APBA2: variants seen among roughly 807,000 people sequenced by gnomAD.
The protein encoded by APBA2 is amyloid beta precursor protein binding family A member 2, also known as amyloid-beta A4 precursor protein-binding family A member 2.
A neutral mutation model predicts 75.0 loss-of-function variants in APBA2; 30 were observed. That is an observed-to-expected ratio of 0.40 (90% CI 0.30 to 0.54). APBA2 has a LOEUF of 0.54. Among genes scored for constraint, APBA2 ranks in the 20% least tolerant of loss-of-function variants. The probability of loss-of-function intolerance (pLI) is 0.49; values close to 1 mark genes in which losing one functional copy is unlikely to be tolerated. For missense variants in APBA2, 801 were observed against 1,016.1 expected, an observed-to-expected ratio of 0.79 and a Z score of 2.88; for synonymous variants, 444 against 409.6, an observed-to-expected ratio of 1.08 and a Z score of -1.01.
At chr15:28,908,257 C>T (rs2033236479) in intron 1 of APBA2, among the ~76,000 whole-genome samples, 2 of 152,012 alleles carry the variant, frequency 1.3e-5, no homozygotes, top group African/African-American at 2.4e-5. Flanking sequence ...GCCCCTGTCA[C>T]TCCCTGATGG....
intron 2 of APBA2, among the ~76,000 whole-genome samples, chr15:28,941,251 C>T (rs1483583698): frequency 2.0e-5 from 3 of 152,138 alleles, no homozygotes; most frequent in Non-Finnish European, 4.4e-5. Context: ...CATCTGAATT[C>T]ACAAGCTGGG....
At chr15:28,946,640 G>A (rs1157839426) in intron 2 of APBA2, among the ~76,000 whole-genome samples, 11 of 151,992 alleles carry the variant, frequency 7.2e-5, no homozygotes, top group African/African-American at 2.4e-4. Flanking sequence ...GTGCAGTGGC[G>A]CCATCTCAGC....
At chr15:29,091,341 G>A (rs1010140492) in intron 6 of APBA2, among the ~76,000 whole-genome samples, 20 of 152,126 alleles carry the variant, frequency 1.3e-4, no homozygotes, top group Admixed American at 1.2e-3. Context: ...GGGGCACGCA[G>A]ACCCACTACT....
intron 2 of APBA2, among the ~76,000 whole-genome samples, chr15:28,964,285 A>G (rs558767145): frequency 3.7e-4 from 56 of 152,290 alleles, no homozygotes; most frequent in African/African-American, 1.3e-3. Context: ...CAATGTATGG[A>G]TGATTCAGTT....
Position 29,101,593 on chromosome 15 carries a change from C to T in APBA2, c.1339-6C>T, listed in dbSNP as rs373242548. ...CCCTGACGTGGCACTGTCTCCCTCC[C>T]GACAGGAAACCATGATGGACCACGC... On this transcript the variant is annotated splice_polypyrimidine_tract_variant and splice_region_variant and intron_variant, in intron 9 of 14. Transcript: ENST00000683413. 8.8e-5 allele frequency: 142 copies of T among 1,612,210 alleles called. No individual in the cohort carries two copies. The highest frequency in any genetic ancestry group is 1.1e-4 in the Non-Finnish European group (134 of 1,179,460).
rs561061628 is a variant in APBA2 at position 28,901,814 on chromosome 15, C to T, written c.-205+15536C>T. Among the ~76,000 whole-genome samples the T allele has an allele frequency of 2.6e-4, 39 of 152,092 alleles. 1 individual carries two copies. Among genetic ancestry groups the T allele is most frequent in the African/African-American group, 9.2e-4 (38 of 41,482 alleles). On this transcript the variant is annotated intron_variant, in intron 1 of 14. Transcript: ENST00000683413. Reference sequence around the variant, plus strand: ...TAGGGACGTCTCAGGAGTGAGCATTCCAGTGTTTGCAGTGCCGAGGGCATC... The same window carrying T: ...TAGGGACGTCTCAGGAGTGAGCATTTCAGTGTTTGCAGTGCCGAGGGCATC...
At position 29,054,346 on chromosome 15, in the gene APBA2, T is replaced by G; in HGVS notation, c.462T>G (p.Ala154=). The part of the protein sequence containing the change: ...SAGPHPHGHE[A]EGSQDYPDGQ... ...GCCCGCACCCCCACGGCCACGAGGC[T>G]GAAGGCAGCCAGGACTACCCAGACG... The change falls in exon 4 of 15, where the codon GCT becomes GCG. Residue 154 remains alanine (A), a synonymous_variant. Transcript: ENST00000683413. The surrounding 1 kb of genome is among the most constrained non-coding windows in gnomAD (Gnocchi z 6.1). 1.9e-6 allele frequency: 3 copies of G among 1,614,020 alleles called. No homozygotes were observed. The highest frequency in any genetic ancestry group is 2.5e-6 in the Non-Finnish European group (3 of 1,180,016).
At chr15:28,992,264 G>A (rs146137061) in intron 2 of APBA2, among the ~76,000 whole-genome samples, 6 of 152,246 alleles carry the variant, frequency 3.9e-5, no homozygotes, top group African/African-American at 1.2e-4. Context: ...CCTGAGGATC[G>A]CTTCTGGATC....
intron 3 of APBA2, among the ~76,000 whole-genome samples, chr15:29,022,465 C>G (rs1174617554): frequency 1.3e-5 from 2 of 151,514 alleles, no homozygotes; most frequent in Non-Finnish European, 2.9e-5. Context: ...TACAATAAGT[C>G]TTTAGTCCCC....
chr15:28,940,470 G>C (rs2035148638), intron 2 of APBA2, among the ~76,000 whole-genome samples: 1 of 117,686 alleles, frequency 8.5e-6, no homozygotes, highest in East Asian at 4.2e-4. Flanking sequence ...GTGAACCCGG[G>C]TGAACCCGGG....
At chr15:29,015,265 G>A (rs1171540754) in intron 3 of APBA2, among the ~76,000 whole-genome samples, 1 of 152,196 alleles carries the variant, frequency 6.6e-6, no homozygotes. Context: ...TTCCAGAGTG[G>A]ATGTTGTCCA....
intron 2 of APBA2, among the ~76,000 whole-genome samples, chr15:28,988,819 T>C (rs2038065654): frequency 6.6e-6 from 1 of 152,214 alleles, no homozygotes; most frequent in Non-Finnish European, 1.5e-5. Context: ...GGATTGGAAT[T>C]GCTATGGGAG....
intron 3 of APBA2, among the ~76,000 whole-genome samples, chr15:29,021,277 C>T (rs937456347): frequency 7.2e-5 from 11 of 152,026 alleles, no homozygotes; most frequent in Non-Finnish European, 1.3e-4. Context: ...GCCTGTAATC[C>T]CAGCACTTTG....
chr15:29,045,069 TTCTCTC>T lies in APBA2; in HGVS notation c.-40-8747_-40-8742del, dbSNP rs1555399868. Among the ~76,000 whole-genome samples, 695 of 82,862 alleles carry T rather than the reference TTCTCTC, an allele frequency of 8.4e-3. 3 individuals are homozygous for T. Among genetic ancestry groups the T allele is most frequent in the Non-Finnish European group, 0.011 (579 of 50,744 alleles). 54.4% of individuals were successfully genotyped at this position (82,862 alleles called of 152,430 possible). A position where few individuals can be genotyped will look rare whatever the true frequency, so the allele number is the denominator to read the frequency against. On this transcript the variant is annotated intron_variant, in intron 3 of 14. Transcript: ENST00000683413. ...CCTTCCTCTCTCCCTCCCTCCCTCCTTCTCTCTCTCTCTCTCTCTCTCTCTCTCTCT... is the reference window on the plus strand; with the variant it reads ...CCTTCCTCTCTCCCTCCCTCCCTCCTTCTCTCTCTCTCTCTCTCTCTCTCT...
chr15:28,951,955 C>G (rs1464347766), intron 2 of APBA2, among the ~76,000 whole-genome samples: 1 of 135,762 alleles, frequency 7.4e-6, no homozygotes, highest in Non-Finnish European at 1.5e-5. Flanking sequence ...ATGGCACAAT[C>G]TTGTCTCACT....
At chr15:28,969,218 G>A (rs2036932736) in intron 2 of APBA2, among the ~76,000 whole-genome samples, 1 of 140,936 alleles carries the variant, frequency 7.1e-6, no homozygotes, top group African/African-American at 2.5e-5. Context: ...GTCTCTCTCT[G>A]CCGGCCAGGC....
At chr15:29,116,593 A>C (rs1456193285) in intron 14 of APBA2, among the ~76,000 whole-genome samples, 6 of 148,586 alleles carry the variant, frequency 4.0e-5, no homozygotes, top group African/African-American at 1.5e-4. Context: ...GCACCACTGC[A>C]CTCCAGCCTG....
At chr15:29,061,370 C>G (rs115973391) in intron 4 of APBA2, among the ~76,000 whole-genome samples, 3 of 152,150 alleles carry the variant, frequency 2.0e-5, no homozygotes, top group African/African-American at 7.2e-5. Context: ...CCATGGCTAC[C>G]GAGTTGAGGT....
At chr15:28,954,744 T>C (rs2036077710) in intron 2 of APBA2, among the ~76,000 whole-genome samples, 4 of 152,194 alleles carry the variant, frequency 2.6e-5, no homozygotes, top group Admixed American at 2.6e-4. Flanking sequence ...CCTCCTGCCA[T>C]GCTGCACTCT....
Sources: allele counts gnomAD v4.1 joint callset (sites outside exome capture counted in the v4.1 genomes callset), GRCh38; gene constraint gnomAD v4.1.1; non-coding constraint Gnocchi (gnomAD v3.1); transcripts MANE v1.5; gene names NCBI Gene and HGNC (gene_info 2026-07-23, HGNC 2026-07-21).